Variants in PPP2R2B observed in about 807,000 individuals in gnomAD.
PPP2R2B encodes serine/threonine-protein phosphatase 2A 55 kDa regulatory subunit B beta isoform.
A neutral mutation model predicts 46.0 loss-of-function variants in PPP2R2B; 5 were observed. The observed-to-expected ratio is 0.11, with a 90% CI of 0.06 to 0.23. The LOEUF (loss-of-function observed/expected upper bound fraction) is 0.23, where lower values mean the gene tolerates loss of function less well. Among genes scored for constraint, PPP2R2B ranks in the 10% least tolerant of loss-of-function variants. The pLI is 1.00. For missense variants in PPP2R2B, 367 were observed against 575.0 expected, an observed-to-expected ratio of 0.64 and a Z score of 3.70; for synonymous variants, 215 against 206.7, an observed-to-expected ratio of 1.04 and a Z score of -0.34.
chr5:146,807,006 G>A (rs1214135432), intron 2 of PPP2R2B, among the ~76,000 whole-genome samples: 1 of 152,132 alleles, frequency 6.6e-6, no homozygotes. Flanking sequence ...TATGACCTAG[G>A]TGCTCTGAAA....
In PPP2R2B at chr5:146,687,482, A is replaced by G. The variant is rs80155239; in HGVS notation, c.447+3646T>C. ...CGTGGTGCATGGTATATGGCAAATG[A>G]TCAATAAGTGCTAGATACCCGCATT... On this transcript the variant is annotated intron_variant, in intron 5 of 9. Coordinates refer to ENST00000394411, the MANE Select transcript of PPP2R2B (RefSeq NM_181675.4). 8.4e-3 allele frequency among the ~76,000 whole-genome samples: 1,279 copies of G among 152,170 alleles called. 18 individuals are homozygous for G. The highest frequency in any genetic ancestry group is 0.029 in the African/African-American group (1,199 of 41,498).
chr5:146,996,032 G>C (rs555407296), intron 1 of PPP2R2B, among the ~76,000 whole-genome samples: 1 of 152,148 alleles, frequency 6.6e-6, no homozygotes, highest in Non-Finnish European at 1.5e-5. Flanking sequence ...TGAGTGGTTG[G>C]GCAGGAATAA....
chr5:146,791,909 G>A (rs995831335), intron 2 of PPP2R2B, among the ~76,000 whole-genome samples: 1 of 152,152 alleles, frequency 6.6e-6, no homozygotes, highest in South Asian at 2.1e-4. Context: ...CGCCACATGA[G>A]AGTGAGGCCC....
At chr5:146,780,318 T>C (rs1254431844) in intron 2 of PPP2R2B, among the ~76,000 whole-genome samples, 2 of 152,194 alleles carry the variant, frequency 1.3e-5, no homozygotes, top group Non-Finnish European at 2.9e-5. Flanking sequence ...AAATGGGCAA[T>C]GTTTATATGG....
In PPP2R2B at chr5:146,698,138, T is replaced by G. The variant is rs554953457; in HGVS notation, c.175A>C (p.Asn59His). The G allele has an allele frequency of 1.9e-6, 3 of 1,591,966 alleles. No homozygotes were observed. Among genetic ancestry groups the G allele is most frequent in the South Asian group, 1.1e-5 (1 of 87,266 alleles). The change falls in exon 4 of 10, where the codon AAT becomes CAT. Residue 59 changes from asparagine to histidine, a missense_variant. This residue lies in a region of PPP2R2B where 361 missense variants were observed against 545.5 expected (regional missense o/e 0.66). Transcript: ENST00000394411. ...VIFQREQESK[N>H]QVHRRGEYNV... ...TATTCACCCCTACGATGAACCTGAT[T>G]TTTACTCTGTAGGAAAGGAAAAAAA... is the stretch of plus-strand genomic sequence containing the variant.
chr5:146,706,815 C>T, intron 2 of PPP2R2B: 7 of 912,766 alleles, frequency 7.7e-6, no homozygotes, highest in Non-Finnish European at 1.3e-5. Context: ...GCGATCTCCT[C>T]GTACTGTACC....
intron 2 of PPP2R2B, among the ~76,000 whole-genome samples, chr5:146,794,001 T>C (rs1238445049): frequency 2.6e-5 from 4 of 152,186 alleles, no homozygotes; most frequent in Admixed American, 2.6e-4. Flanking sequence ...AGAAATTTCA[T>C]TTTGACACAT....
At chr5:146,932,754 C>G (rs1764009387) in intron 1 of PPP2R2B, among the ~76,000 whole-genome samples, 1 of 152,166 alleles carries the variant, frequency 6.6e-6, no homozygotes, top group Non-Finnish European at 1.5e-5. Flanking sequence ...CTTCTCCTAG[C>G]TTTCTTCTTC....
intron 5 of PPP2R2B, among the ~76,000 whole-genome samples, chr5:146,664,602 G>A (rs1302981218): frequency 1.3e-5 from 2 of 151,554 alleles, no homozygotes; most frequent in African/African-American, 4.9e-5. Context: ...TACGAGAGTT[G>A]GAATCAAGTG....
At chr5:146,877,869 G>T in intron 2 of PPP2R2B, 133 bp downstream of exon 2, 1 of 1,079,618 alleles carries the variant, frequency 9.3e-7, no homozygotes, top group Non-Finnish European at 1.3e-6. Context: ...GGCTGCCGGG[G>T]CCAGCCGAGC....
intron 1 of PPP2R2B, among the ~76,000 whole-genome samples, chr5:146,883,779 C>T (rs1046313241): frequency 3.3e-5 from 5 of 152,290 alleles, no homozygotes; most frequent in East Asian, 3.9e-4. Context: ...GATCCTTTAA[C>T]GTGGCATTTA....
chr5:146,671,965 A>G (rs1477043956), intron 5 of PPP2R2B, among the ~76,000 whole-genome samples: 1 of 152,200 alleles, frequency 6.6e-6, no homozygotes, highest in African/African-American at 2.4e-5. Flanking sequence ...AGCAAAACGG[A>G]GAGAATAAAG....
At chr5:146,827,647 A>G (rs1331409307) in intron 2 of PPP2R2B, among the ~76,000 whole-genome samples, 1 of 152,222 alleles carries the variant, frequency 6.6e-6, no homozygotes, top group Non-Finnish European at 1.5e-5. Flanking sequence ...ACATTCTAAC[A>G]AAATGAGAAA....
chr5:146,603,399 T>A (rs1231477239), intron 7 of PPP2R2B, among the ~76,000 whole-genome samples: 1 of 152,246 alleles, frequency 6.6e-6, no homozygotes, highest in African/African-American at 2.4e-5. Context: ...TACATAGGAA[T>A]CTGTTTCCCA....
chr5:147,071,662 G>A (rs550106673), intron 2 of PPP2R2B, among the ~76,000 whole-genome samples: 53 of 151,964 alleles, frequency 3.5e-4, no homozygotes, highest in African/African-American at 1.1e-3. Context: ...TCTTCAAATC[G>A]TTGCTCAAAT....
chr5:146,901,096 T>G (rs565765360), intron 1 of PPP2R2B, among the ~76,000 whole-genome samples: 3 of 152,306 alleles, frequency 2.0e-5, no homozygotes, highest in Middle Eastern at 6.8e-3. Context: ...TTTTCTTATG[T>G]AAACATAGCT....
chr5:146,825,510 T>C (rs1480406282), intron 2 of PPP2R2B, among the ~76,000 whole-genome samples: 2 of 152,256 alleles, frequency 1.3e-5, no homozygotes, highest in African/African-American at 4.8e-5. Flanking sequence ...ATTTCTATCA[T>C]TGCACTTGCT....
chr5:146,661,715 C>G (rs542481069), intron 5 of PPP2R2B, among the ~76,000 whole-genome samples: 1 of 152,268 alleles, frequency 6.6e-6, no homozygotes, highest in East Asian at 1.9e-4. Context: ...AGAAGATAAA[C>G]TCGCTAATTA....
chr5:146,914,504 T>A (rs747522551), intron 1 of PPP2R2B: 7 of 152,228 alleles, frequency 4.6e-5, no homozygotes, highest in African/African-American at 2.4e-5. Flanking sequence ...TCTCTGGTGA[T>A]CTTCAACTTT....
Sources: allele counts gnomAD v4.1 joint callset (sites outside exome capture counted in the v4.1 genomes callset), GRCh38; gene constraint gnomAD v4.1.1; regional missense constraint gnomAD v4.1.1; transcripts MANE v1.5; gene names NCBI Gene and HGNC (gene_info 2026-07-23, HGNC 2026-07-21).